Variants in EPHB1 observed in about 807,000 individuals in gnomAD.
The protein encoded by EPHB1 is EPH receptor B1, also known as ephrin type-B receptor 1.
A neutral mutation model predicts 94.4 loss-of-function variants in EPHB1; 30 were observed. The observed-to-expected ratio is 0.32, with a 90% CI of 0.24 to 0.43. EPHB1 has a LOEUF of 0.43. Ranked by LOEUF, EPHB1 falls within the 20% of genes least tolerant of loss-of-function variation. The pLI is 1.00. For synonymous variants in EPHB1, 522 were observed against 489.1 expected (o/e 1.07, Z -0.89); for missense variants, 1,055 against 1,308.3 (o/e 0.81, Z 2.99).
chr3:135,008,367 G>C (rs1935498513), intron 3 of EPHB1, among the ~76,000 whole-genome samples: 1 of 152,202 alleles, frequency 6.6e-6, no homozygotes, highest in Non-Finnish European at 1.5e-5. Flanking sequence ...GAAGCACAGA[G>C]AAAGGTTAAA....
At chr3:135,104,825 T>C (rs963009808) in intron 3 of EPHB1, among the ~76,000 whole-genome samples, 1 of 152,214 alleles carries the variant, frequency 6.6e-6, no homozygotes, top group Non-Finnish European at 1.5e-5. Flanking sequence ...ACCCAGCACA[T>C]GTCTGGAGAA....
intron 3 of EPHB1, among the ~76,000 whole-genome samples, chr3:135,007,064 G>A (rs1386191763): frequency 6.6e-6 from 1 of 152,170 alleles, no homozygotes; most frequent in East Asian, 1.9e-4. Context: ...CAGCCTAGAG[G>A]CAAAAGGAAG....
intron 1 of EPHB1, among the ~76,000 whole-genome samples, chr3:134,804,550 G>GGT (rs1047960708): frequency 6.6e-6 from 1 of 152,080 alleles, no homozygotes; most frequent in Non-Finnish European, 1.5e-5. Flanking sequence ...GATCTTGGTG[G>GGT]GTGTGTGTGG....
chr3:134,806,545 T>A (rs548234517), intron 1 of EPHB1, among the ~76,000 whole-genome samples: 5 of 152,312 alleles, frequency 3.3e-5, no homozygotes, highest in Non-Finnish European at 7.3e-5. Context: ...AAACTGCAGA[T>A]TCCTGAGCAA....
At chr3:134,845,718 C>T (rs1560259677) in intron 1 of EPHB1, among the ~76,000 whole-genome samples, 1 of 152,214 alleles carries the variant, frequency 6.6e-6, no homozygotes, top group Non-Finnish European at 1.5e-5. Context: ...TATACATGCT[C>T]ACATTGCCTC....
chr3:134,795,372 T>A lies in EPHB1; in HGVS notation c.-260T>A. 7.9e-6 allele frequency: 4 copies of A among 505,154 alleles called. No individual in the cohort carries two copies. Among genetic ancestry groups the A allele is most frequent in the Admixed American group, 4.2e-5 (1 of 23,784 alleles). The allele number at this position is 505,154 out of a possible 1,614,324, so 31.3% of individuals were successfully genotyped here. On this transcript the variant is annotated 5_prime_UTR_variant, in exon 1 of 16. Coordinates refer to ENST00000398015, the MANE Select transcript of EPHB1 (RefSeq NM_004441.5). ...CTCGTTCTCCCTCGCCCTCTCTCTC[T>A]CACACACGCACGCACACACCCACCT...
At position 135,132,804 on chromosome 3, in the gene EPHB1, G is replaced by T. The variant is rs757558701; in HGVS notation, c.1052G>T (p.Arg351Leu). Residue 351 changes from arginine (R) to leucine (L), a missense_variant, in exon 5 of 16, where the codon CGG becomes CTG. By Grantham distance (102) the Arg-to-Leu change is moderately radical. Transcript: ENST00000398015. ...CACCCTCCAAGGGAGACAGGTGGGC[G>T]GGATGATGTGACCTACAACATCATC... is the stretch of plus-strand genomic sequence containing the variant. ...EWHPPRETGG[R>L]DDVTYNIICK... is the part of the protein sequence containing the mutation. 6.2e-7 allele frequency: 1 copy of T among 1,613,974 alleles called. No homozygotes were observed. Among genetic ancestry groups the T allele is most frequent in the Non-Finnish European group, 8.5e-7 (1 of 1,179,864 alleles).
chr3:134,989,109 G>A (rs1260400140), intron 3 of EPHB1, among the ~76,000 whole-genome samples: 4 of 152,210 alleles, frequency 2.6e-5, no homozygotes, highest in African/African-American at 4.8e-5. Context: ...ATTCCTGCAA[G>A]TGTTTCAAAC....
At chr3:135,144,186 G>T (rs1940931251) in intron 5 of EPHB1, among the ~76,000 whole-genome samples, 1 of 152,176 alleles carries the variant, frequency 6.6e-6, no homozygotes, top group South Asian at 2.1e-4. Flanking sequence ...AGCTGTTTCT[G>T]GTTCTGCACT....
chr3:135,179,852 C>T lies in EPHB1; in HGVS notation c.1760-8C>T, dbSNP rs768869469. On this transcript the variant is annotated splice_polypyrimidine_tract_variant and splice_region_variant and intron_variant, in intron 9 of 15. Coordinates refer to ENST00000398015, the MANE Select transcript of EPHB1 (RefSeq NM_004441.5). ...GGGATGTTAACCCTGCTTATCTCCT[C>T]CAACAAGGCTCCCCAGGGATGAAGA... The T allele has an allele frequency of 1.4e-5, 22 of 1,613,606 alleles. No homozygotes were observed. Among genetic ancestry groups the T allele is most frequent in the Non-Finnish European group, 1.9e-5 (22 of 1,179,640 alleles).
At chr3:134,915,468 CT>C (rs1056606594) in intron 1 of EPHB1, among the ~76,000 whole-genome samples, 1 of 152,158 alleles carries the variant, frequency 6.6e-6, no homozygotes, top group African/African-American at 2.4e-5. Flanking sequence ...AGGAAAGATC[CT>C]CCCCGATAGG....
chr3:135,090,728 C>A (rs1019493224), intron 3 of EPHB1, among the ~76,000 whole-genome samples: 11 of 152,174 alleles, frequency 7.2e-5, no homozygotes, highest in Admixed American at 3.9e-4. Flanking sequence ...AAGGACAGGG[C>A]AGTGTAGGGG....
chr3:134,898,575 G>T (rs1049989331), intron 1 of EPHB1, among the ~76,000 whole-genome samples: 1 of 152,194 alleles, frequency 6.6e-6, no homozygotes, highest in Non-Finnish European at 1.5e-5. Context: ...ACGCTAGCAG[G>T]TGATACAGGG....
At position 134,877,634 on chromosome 3, in the gene EPHB1, A is replaced by C. The variant is rs577920305; in HGVS notation, c.59-48182A>C. ...AAGAAACTAGGTTTGTGAATAATTT[A>C]CTTCTCTTATAAATGGTAAGGGTTC... On this transcript the variant is annotated intron_variant, in intron 1 of 15. Transcript: ENST00000398015. Among the ~76,000 whole-genome samples, 17 of 152,324 alleles carry C rather than the reference A, an allele frequency of 1.1e-4. No homozygotes were observed. In the South Asian group the frequency reaches 3.1e-3, roughly 28 times the overall value.
chr3:135,037,685 T>C (rs1936689474), intron 3 of EPHB1, among the ~76,000 whole-genome samples: 1 of 152,242 alleles, frequency 6.6e-6, no homozygotes, highest in African/African-American at 2.4e-5. Context: ...AAGTTTGCAC[T>C]GTATCTCAGA....
chr3:135,250,160 T>C (rs1163854213), intron 15 of EPHB1, among the ~76,000 whole-genome samples: 1 of 152,214 alleles, frequency 6.6e-6, no homozygotes. Context: ...TTGTGTACTT[T>C]ATCACCCTCT....
chr3:135,167,481 TC>T (rs1941683574), intron 9 of EPHB1, among the ~76,000 whole-genome samples: 1 of 152,224 alleles, frequency 6.6e-6, no homozygotes, highest in African/African-American at 2.4e-5. Context: ...CTGGGATATC[TC>T]CCAAGTGTTT....
intron 12 of EPHB1, among the ~76,000 whole-genome samples, chr3:135,215,154 T>TTTTTTTC (rs748929814): frequency 6.6e-6 from 1 of 151,964 alleles, no homozygotes; most frequent in African/African-American, 2.4e-5. Flanking sequence ...TACAGTTTTC[T>TTTTTTTC]TTTTTTCTTT....
intron 4 of EPHB1, among the ~76,000 whole-genome samples, chr3:135,117,429 T>C (rs1939762138): frequency 6.6e-6 from 1 of 152,210 alleles, no homozygotes; most frequent in Non-Finnish European, 1.5e-5. Flanking sequence ...ATCTGGACTT[T>C]CCAATGTATA....
Sources: gnomAD v4.1 joint callset for allele counts (sites outside exome capture counted in the v4.1 genomes callset) on GRCh38, gnomAD v4.1.1 for gene constraint, MANE v1.5 for transcripts, NCBI Gene and HGNC (gene_info 2026-07-23, HGNC 2026-07-21) for gene names.